Variants in ARHGAP15 observed in about 807,000 individuals in gnomAD.
The protein encoded by ARHGAP15 is rho GTPase-activating protein 15.
ARHGAP15 carries 51 observed loss-of-function variants against 63.7 expected under a neutral mutation model. The ratio of observed to expected loss-of-function variants is 0.80; its 90% CI spans 0.64 to 1.01. ARHGAP15 has a LOEUF of 1.01. Among genes scored for constraint, ARHGAP15 ranks in the 50% least tolerant of loss-of-function variants. The pLI, the probability that ARHGAP15 is intolerant of heterozygous loss-of-function variation, is 0.00. For synonymous variants in ARHGAP15, 191 were observed against 193.8 expected, an observed-to-expected ratio of 0.99 and a Z score of 0.12; for missense variants, 560 against 564.6, an observed-to-expected ratio of 0.99 and a Z score of 0.08.
chr2:143,180,725 G>A (rs745945614), intron 2 of ARHGAP15, among the ~76,000 whole-genome samples: 41 of 152,108 alleles, frequency 2.7e-4, no homozygotes, highest in Non-Finnish European at 4.6e-4. Flanking sequence ...GCTGGATGGA[G>A]TACAGTGGCG....
chr2:143,624,889 G>C (rs531633992), intron 12 of ARHGAP15, among the ~76,000 whole-genome samples: 1 of 133,566 alleles, frequency 7.5e-6, no homozygotes, highest in Non-Finnish European at 1.7e-5. Context: ...ACTCCATGAA[G>C]CTTCCTTTTC....
chr2:143,443,284 C>A (rs1225829506), intron 8 of ARHGAP15, among the ~76,000 whole-genome samples: 1 of 151,986 alleles, frequency 6.6e-6, no homozygotes, highest in East Asian at 1.9e-4. Context: ...ATTAAAATTG[C>A]ACAGATAAAC....
intron 12 of ARHGAP15, among the ~76,000 whole-genome samples, chr2:143,679,168 C>A (rs562941452): frequency 2.6e-5 from 4 of 152,114 alleles, no homozygotes; most frequent in African/African-American, 4.8e-5. Context: ...CTGCACTCAA[C>A]CAGAATCTTC....
Position 143,371,016 on chromosome 2 carries a change from T to A in ARHGAP15, c.475-64585T>A, listed in dbSNP as rs534582783. Among the ~76,000 whole-genome samples the A allele has an allele frequency of 3.3e-5, 5 of 152,294 alleles. No individual in the cohort carries two copies. In the East Asian group the frequency reaches 9.6e-4, roughly 29 times the overall value. On this transcript the variant is annotated intron_variant, in intron 6 of 13. Coordinates refer to ENST00000295095, the MANE Select transcript of ARHGAP15 (RefSeq NM_018460.4). The stretch of plus-strand genomic sequence containing the variant: ...ATGTGCCCTGATAAATTGGGGGGAA[T>A]AGGTTGTTGGGGAATTTTATTTGTT...
chr2:143,216,081 T>C (rs1692746796), intron 3 of ARHGAP15, among the ~76,000 whole-genome samples: 1 of 152,182 alleles, frequency 6.6e-6, no homozygotes, highest in African/African-American at 2.4e-5. Flanking sequence ...TGTCTTTCTT[T>C]TACCATTTGC....
At chr2:143,215,175 A>C (rs764165774) in intron 3 of ARHGAP15, among the ~76,000 whole-genome samples, 4 of 152,194 alleles carry the variant, frequency 2.6e-5, no homozygotes, top group African/African-American at 4.8e-5. Context: ...GACAATGGCA[A>C]ACTGAAAATG....
At chr2:143,525,932 C>T (rs988333585) in intron 10 of ARHGAP15, among the ~76,000 whole-genome samples, 3 of 152,118 alleles carry the variant, frequency 2.0e-5, no homozygotes, top group African/African-American at 4.8e-5. Context: ...AGAGGACATG[C>T]TTGTGAGGTC....
At chr2:143,581,388 T>C (rs905341042) in intron 11 of ARHGAP15, among the ~76,000 whole-genome samples, 9 of 151,780 alleles carry the variant, frequency 5.9e-5, no homozygotes, top group Non-Finnish European at 1.0e-4. Flanking sequence ...CACAGCCCCA[T>C]AGCCCCACAG....
chr2:143,743,418 T>C (rs1469674867), intron 13 of ARHGAP15, among the ~76,000 whole-genome samples: 1 of 152,190 alleles, frequency 6.6e-6, no homozygotes, highest in Non-Finnish European at 1.5e-5. Flanking sequence ...ACTTCGGTCA[T>C]GTGTAGGGAA....
intron 10 of ARHGAP15, among the ~76,000 whole-genome samples, chr2:143,532,440 T>C (rs1694561115): frequency 6.6e-6 from 1 of 152,214 alleles, no homozygotes; most frequent in Admixed American, 6.5e-5. Flanking sequence ...TGTTTTCCAT[T>C]CAAATTCTTT....
intron 6 of ARHGAP15, among the ~76,000 whole-genome samples, chr2:143,321,414 C>A (rs978780864): frequency 6.6e-6 from 1 of 152,220 alleles, no homozygotes; most frequent in Admixed American, 6.5e-5. Context: ...CTCTCATAGT[C>A]GGTTCACACA....
At chr2:143,283,485 G>A (rs1321061944) in intron 6 of ARHGAP15, among the ~76,000 whole-genome samples, 1 of 152,114 alleles carries the variant, frequency 6.6e-6, no homozygotes, top group Non-Finnish European at 1.5e-5. Context: ...GTATTATCCT[G>A]TTGTGTATGT....
intron 6 of ARHGAP15, among the ~76,000 whole-genome samples, chr2:143,291,452 G>GTTC (rs1611002): frequency 0.78 from 118,010 of 151,310 alleles, 46,507 homozygotes; most frequent in African/African-American, 0.86. Context: ...ATTTGTGTGT[G>GTTC]TTCTAATGCT....
chr2:143,228,757 C>A (rs1574121185), intron 5 of ARHGAP15, 89 bp downstream of exon 5: 1 of 880,950 alleles, frequency 1.1e-6, no homozygotes, highest in Non-Finnish European at 1.6e-6. Flanking sequence ...CACACTAAAA[C>A]CTCCAAGCTA....
In ARHGAP15 at chr2:143,255,667, TC is replaced by T. The variant is rs373682968; in HGVS notation, c.474+5069del. ...GAAAACTACTGGTATTGTGCTTTTA[TC>T]CATTTCCTTGTGTTACAAGTGGTGG... On this transcript the variant is annotated intron_variant, in intron 6 of 13. Transcript: ENST00000295095. Among the ~76,000 whole-genome samples the T allele has an allele frequency of 5.2e-4, 79 of 152,296 alleles. 1 individual carries two copies. Among genetic ancestry groups the T allele is most frequent in the African/African-American group, 1.9e-3 (77 of 41,584 alleles).
intron 12 of ARHGAP15, among the ~76,000 whole-genome samples, chr2:143,659,079 C>G (rs917391859): frequency 6.6e-6 from 1 of 152,288 alleles, no homozygotes; most frequent in Non-Finnish European, 1.5e-5. Flanking sequence ...TCACAGCCCT[C>G]GTATCTACTT....
intron 6 of ARHGAP15, among the ~76,000 whole-genome samples, chr2:143,352,378 G>C (rs1320530277): frequency 2.6e-5 from 4 of 152,070 alleles, no homozygotes; most frequent in African/African-American, 9.7e-5. Flanking sequence ...CTACCTTCTA[G>C]AGTCATTGAA....
At chr2:143,617,145 A>G (rs1027898890) in intron 11 of ARHGAP15, among the ~76,000 whole-genome samples, 2 of 152,220 alleles carry the variant, frequency 1.3e-5, no homozygotes, top group African/African-American at 2.4e-5. Context: ...TCCAGCTTCA[A>G]ATCTGTTCTC....
intron 12 of ARHGAP15, among the ~76,000 whole-genome samples, chr2:143,625,223 T>C (rs1428768469): frequency 6.6e-6 from 1 of 151,736 alleles, no homozygotes; most frequent in South Asian, 2.1e-4. Context: ...AAAAAAAAAC[T>C]GCTGTATTCA....
Sources: gnomAD v4.1 joint callset for allele counts (sites outside exome capture counted in the v4.1 genomes callset) on GRCh38, gnomAD v4.1.1 for gene constraint, MANE v1.5 for transcripts, NCBI Gene and HGNC (gene_info 2026-07-23, HGNC 2026-07-21) for gene names.